SLC6A12: variants seen among roughly 807,000 people sequenced by gnomAD.
SLC6A12 encodes the protein solute carrier family 6 member 12, also known as sodium- and chloride-dependent betaine transporter.
SLC6A12 carries 50 observed loss-of-function variants against 73.3 expected under a neutral mutation model. The observed-to-expected ratio is 0.68, with a 90% CI of 0.54 to 0.86. SLC6A12 has a LOEUF of 0.86. Among genes scored for constraint, SLC6A12 ranks in the 40% least tolerant of loss-of-function variants. The probability of loss-of-function intolerance (pLI) is 0.00; values close to 1 mark genes in which losing one functional copy is unlikely to be tolerated. For synonymous variants in SLC6A12, 304 were observed against 309.2 expected, an observed-to-expected ratio of 0.98 and a Z score of 0.18; for missense variants, 648 against 772.8, an observed-to-expected ratio of 0.84 and a Z score of 1.92.
At chr12:196,369 G>C in intron 11 of SLC6A12, 108 bp from the exon 12 acceptor site, 1 of 1,368,648 alleles carries the variant, frequency 7.3e-7, no homozygotes, top group South Asian at 1.4e-5. Context: ...CAGGGGTGCA[G>C]GGAGCAGCAC....
intron 10 of SLC6A12, 104 bp downstream of exon 10, chr12:197,273 A>G (rs1939968747): frequency 7.5e-7 from 1 of 1,331,152 alleles, no homozygotes; most frequent in Non-Finnish European, 1.0e-6. Context: ...ACCCATAAAT[A>G]AATCATATTG....
rs1940966484 is a variant in SLC6A12 at position 213,002 on chromosome 12, G to C, written c.-142-892C>G. ...CTGCCCAGAGAGCAAATCTTCAAGA[G>C]ACTAGAAAGTCCAAAGTTAAGTCTG... On this transcript the variant is annotated intron_variant, in intron 1 of 15. Transcript: ENST00000684302. The surrounding 1 kb of genome is among the most constrained non-coding windows in gnomAD (Gnocchi z 5.3). Among the ~76,000 whole-genome samples the C allele has an allele frequency of 6.6e-6, 1 of 152,174 alleles. No individual in the cohort carries two copies. The highest frequency in any genetic ancestry group is 6.5e-5 in the Admixed American group (1 of 15,280).
Position 197,532 on chromosome 12 carries a change from C to A in SLC6A12, c.951-31G>T, listed in dbSNP as rs372579611. ...GGAGTGGGGCAAGGGCAGACAGGAA[C>A]GGGGAGGAAAAGAGAGGAAGAGAGA... On this transcript the variant is annotated intron_variant, in intron 9 of 15. Coordinates refer to ENST00000684302, the MANE Select transcript of SLC6A12 (RefSeq NM_001122848.3). 18 of 1,597,414 alleles carry A rather than the reference C, an allele frequency of 1.1e-5. No homozygotes were observed. In the African/African-American group the frequency reaches 2.2e-4, roughly 19 times the overall value.
Position 198,860 on chromosome 12 carries a change from G to A in SLC6A12, c.783C>T (p.Pro261=), listed in dbSNP as rs138339838. Reference sequence around the variant, plus strand: ...AGTAGATGATGCCCTGGTAGGCTCCGGGAAGGGTGACACCTCTGATCAGCA... The same window carrying A: ...AGTAGATGATGCCCTGGTAGGCTCCAGGAAGGGTGACACCTCTGATCAGCA... ...VILLIRGVTL[P]GAYQGIIYYL... is the part of the protein sequence containing the mutation. Residue 261 remains proline, a synonymous_variant, in exon 8 of 16, where the codon CCC becomes CCT. Coordinates refer to ENST00000684302, the MANE Select transcript of SLC6A12 (RefSeq NM_001122848.3). The surrounding 1 kb of genome is among the most constrained non-coding windows in gnomAD (Gnocchi z 4.0). 23 of 1,614,138 alleles carry A rather than the reference G, an allele frequency of 1.4e-5. No homozygotes were observed. The highest frequency in any genetic ancestry group is 6.7e-5 in the African/African-American group (5 of 75,038).
chr12:200,904 C>A (rs752300184), intron 6 of SLC6A12, 121 bp from the exon 7 acceptor site: 6 of 966,674 alleles, frequency 6.2e-6, no homozygotes, highest in Admixed American at 5.2e-5. Context: ...GGGCTTCCCC[C>A]ACTCCCCACC....
At chr12:196,486 C>G (rs1007802490) in intron 11 of SLC6A12, among the ~76,000 whole-genome samples, 10 of 152,164 alleles carry the variant, frequency 6.6e-5, no homozygotes, top group African/African-American at 2.2e-4. Flanking sequence ...ATGTTCTGTC[C>G]CCGAGGCTCA....
At chr12:208,063 C>T (rs1940736605) in intron 3 of SLC6A12, among the ~76,000 whole-genome samples, 1 of 152,218 alleles carries the variant, frequency 6.6e-6, no homozygotes, top group South Asian at 2.1e-4. Flanking sequence ...TGTCTCCCTC[C>T]CAGATGGCTG....
At chr12:197,174 C>CATCCATCCATCCATCT in intron 10 of SLC6A12, among the ~76,000 whole-genome samples, 1 of 12,072 alleles carries the variant, frequency 8.3e-5, no homozygotes, top group East Asian at 2.9e-3. Flanking sequence ...TCCATCCATC[C>CATCCATCCATCCATCT]ATCCATCCAT....
At chr12:191,347 G>T (rs1376346274) in intron 15 of SLC6A12, 136 bp from the exon 16 acceptor site, 5 of 676,626 alleles carry the variant, frequency 7.4e-6, no homozygotes, top group African/African-American at 5.6e-5. Context: ...GTCAATGAAT[G>T]AACCGTTTGA....
chr12:193,308 G>A lies in SLC6A12; in HGVS notation c.1499C>T (p.Ser500Phe). 1.9e-6 allele frequency: 3 copies of A among 1,613,896 alleles called. No homozygotes were observed. Among genetic ancestry groups the A allele is most frequent in the Non-Finnish European group, 2.5e-6 (3 of 1,179,786 alleles). Reference protein sequence around the residue: ...GYRPWPLVKISWLFLTPGLCL... With the variant: ...GYRPWPLVKIFWLFLTPGLCL... ...AAGTCCAGGGGTCAGGAAGAGCCAG[G>A]AGATCTTCACCAGGGGCCATGGCCG... is the stretch of plus-strand genomic sequence containing the variant. Residue 500 changes from serine (S) to phenylalanine (F), a missense_variant, in exon 14 of 16, where the codon TCC (serine) becomes TTC (phenylalanine). Ser to Phe is a radical substitution (Grantham distance 155). Transcript: ENST00000684302.
At chr12:187,602 A>AGC (rs1939456250), downstream of SLC6A12, among the ~76,000 whole-genome samples, 6 of 11,786 alleles carry the variant, frequency 5.1e-4, no homozygotes, top group Admixed American at 6.6e-4. Context: ...AAAAAAAAAA[A>AGC]AAAAAAAAAA....
intron 6 of SLC6A12, among the ~76,000 whole-genome samples, 170 bp from the exon 7 acceptor site, chr12:200,953 C>T (rs541489507): frequency 6.6e-6 from 1 of 152,332 alleles, no homozygotes; most frequent in East Asian, 1.9e-4. Flanking sequence ...GACCAAACTA[C>T]TACCATCATC....
intron 10 of SLC6A12, among the ~76,000 whole-genome samples, 180 bp downstream of exon 10, chr12:197,197 T>TACC (rs1565469229): frequency 1.6e-4 from 1 of 6,174 alleles, no homozygotes; most frequent in African/African-American, 7.8e-4. Context: ...ATCCATCCAT[T>TACC]CATCCATCCA....
At chr12:195,026 C>G (rs1285429356) in intron 13 of SLC6A12, among the ~76,000 whole-genome samples, 199 bp downstream of exon 13, 1 of 152,232 alleles carries the variant, frequency 6.6e-6, no homozygotes, top group African/African-American at 2.4e-5. Flanking sequence ...GTCATCATTA[C>G]AGCTCTGCTT....
intron 10 of SLC6A12, 62 bp downstream of exon 10, chr12:197,315 G>A: frequency 1.3e-6 from 2 of 1,536,702 alleles, no homozygotes; most frequent in African/African-American, 1.4e-5. Flanking sequence ...CTTTCAGCAA[G>A]AGAGAAGTGT....
downstream of SLC6A12, among the ~76,000 whole-genome samples, chr12:188,640 C>G (rs1939488083): frequency 6.6e-6 from 1 of 152,086 alleles, no homozygotes; most frequent in Non-Finnish European, 1.5e-5. Flanking sequence ...ACCCAAATCA[C>G]GACCCCACAG....
rs547850511 is a variant in SLC6A12, at chr12:192,042, C to T, written c.1701+436G>A. On this transcript the variant is annotated intron_variant, in intron 15 of 15. Coordinates refer to ENST00000684302, the MANE Select transcript of SLC6A12 (RefSeq NM_001122848.3). ...CAAACTCTAGACAGGGAGCCTCTTG[C>T]GTGTGTCCCCAGGCAGAGTTAAGAA... Among the ~76,000 whole-genome samples, 46 of 152,312 alleles carry T rather than the reference C, an allele frequency of 3.0e-4. No homozygotes were observed. The Middle Eastern group carries it at 0.01, about 34-fold the overall frequency.
chr12:200,397 T>G (rs216240), intron 7 of SLC6A12, among the ~76,000 whole-genome samples: 1 of 148,300 alleles, frequency 6.7e-6, no homozygotes, highest in African/African-American at 2.4e-5. Flanking sequence ...CGTGAGCCAC[T>G]GCACCCGGCA....
chr12:196,914 C>G, intron 10 of SLC6A12, 32 bp from the exon 11 acceptor site: 1 of 1,521,670 alleles, frequency 6.6e-7, no homozygotes. Context: ...CAGGGAGGCT[C>G]CAGGGCGTGT....
Sources: allele counts gnomAD v4.1 joint callset (sites outside exome capture counted in the v4.1 genomes callset), GRCh38; gene constraint gnomAD v4.1.1; non-coding constraint Gnocchi (gnomAD v3.1); transcripts MANE v1.5; gene names NCBI Gene and HGNC (gene_info 2026-07-23, HGNC 2026-07-21).